Variants in PLPBP observed in about 807,000 individuals in gnomAD.
PLPBP encodes pyridoxal phosphate binding protein.
A neutral mutation model predicts 31.2 loss-of-function variants in PLPBP; 21 were observed. The observed-to-expected ratio is 0.67, with a 90% CI of 0.48 to 0.97. The LOEUF (loss-of-function observed/expected upper bound fraction) is 0.97. PLPBP is among the 50% of genes least tolerant of loss of function. The pLI, the probability that PLPBP is intolerant of heterozygous loss-of-function variation, is 0.00. For missense variants in PLPBP, 308 were observed against 354.4 expected (o/e 0.87, Z 1.05); for synonymous variants, 124 against 135.6 (o/e 0.91, Z 0.59).
intron 4 of PLPBP, chr8:37,766,715 C>T: frequency 2.4e-6 from 2 of 841,236 alleles, no homozygotes; most frequent in Non-Finnish European, 2.9e-6. Flanking sequence ...AAATACAATA[C>T]AGTAAAGTAA....
rs1294065558 is a variant in PLPBP, at chr8:37,762,672, G to A, written c.13G>A (p.Gly5Ser). The A allele has an allele frequency of 6.3e-7, 1 of 1,585,222 alleles. No homozygotes were observed. The highest frequency in any genetic ancestry group is 8.6e-7 in the Non-Finnish European group (1 of 1,169,372). The change falls in exon 1 of 8, where the codon GGC becomes AGC. Residue 5 changes from glycine to serine, a missense_variant. Gly to Ser is a moderately conservative substitution (Grantham distance 56). Around this residue, in one of 2 missense-constraint regions of PLPBP, gnomAD observed 120 missense variants for 95.1 expected, o/e 1.26. Transcript: ENST00000328195. MWRA[G>S]SMSAELGVGC... ...CGGTCCCCGGGGGATGTGGAGAGCT[G>A]GCAGCATGTCGGCCGAGCTGGGAGT...
At chr8:37,772,209 A>G (rs1585936803) in intron 4 of PLPBP, among the ~76,000 whole-genome samples, 1 of 152,156 alleles carries the variant, frequency 6.6e-6, no homozygotes, top group African/African-American at 2.4e-5. Flanking sequence ...GGGTTTCACC[A>G]TGTTGGCCAG....
intron 4 of PLPBP, among the ~76,000 whole-genome samples, chr8:37,768,535 C>A (rs557175261): frequency 7.7e-6 from 1 of 129,824 alleles, no homozygotes; most frequent in South Asian, 2.4e-4. Context: ...TGCAGTGGTG[C>A]GATCTCAGCT....
chr8:37,776,109 T>C, intron 7 of PLPBP, 93 bp downstream of exon 7: 1 of 1,217,296 alleles, frequency 8.2e-7, no homozygotes, highest in Non-Finnish European at 1.2e-6. Flanking sequence ...TGTAGAAGCC[T>C]TGGAAATGCC....
intron 4 of PLPBP, among the ~76,000 whole-genome samples, chr8:37,769,817 T>C (rs1023649160): frequency 2.0e-5 from 3 of 152,116 alleles, no homozygotes; most frequent in Non-Finnish European, 4.4e-5. Flanking sequence ...AAAATAAATA[T>C]ACAAAAATCA....
chr8:37,768,662 A>G (rs1279031083), intron 4 of PLPBP, among the ~76,000 whole-genome samples: 3 of 151,540 alleles, frequency 2.0e-5, no homozygotes, highest in African/African-American at 7.3e-5. Context: ...TTTAGTAGAG[A>G]TGCGGTTTCA....
At chr8:37,770,251 A>T (rs1803734843) in intron 4 of PLPBP, among the ~76,000 whole-genome samples, 1 of 152,242 alleles carries the variant, frequency 6.6e-6, no homozygotes, top group South Asian at 2.1e-4. Context: ...CTGTAGAGCT[A>T]TAGTAACCAA....
At chr8:37,765,495 T>C (rs1263061535) in intron 1 of PLPBP, 31 bp from the exon 2 acceptor site, 1 of 1,593,004 alleles carries the variant, frequency 6.3e-7, no homozygotes, top group South Asian at 1.1e-5. Context: ...TTCCCAAACA[T>C]TCACTCATAT....
At position 37,762,685 on chromosome 8, in the gene PLPBP, C is replaced by T. The variant is rs2129759606; in HGVS notation, c.26C>T (p.Ala9Val). The part of the protein sequence containing the change: MWRAGSMS[A>V]ELGVGCALRA... Reference sequence around the variant, plus strand: ...ATGTGGAGAGCTGGCAGCATGTCGGCCGAGCTGGGAGTCGGGTGCGCATTG... The same window carrying T: ...ATGTGGAGAGCTGGCAGCATGTCGGTCGAGCTGGGAGTCGGGTGCGCATTG... Residue 9 changes from alanine to valine, a missense_variant, in exon 1 of 8, where the codon GCC becomes GTC. Ala to Val is a moderately conservative substitution (Grantham distance 64). This residue lies in a region of PLPBP where 120 missense variants were observed against 95.1 expected (regional missense o/e 1.26). Coordinates refer to ENST00000328195, the MANE Select transcript of PLPBP (RefSeq NM_007198.4). 5 of 1,589,252 alleles carry T rather than the reference C, an allele frequency of 3.1e-6. No individual in the cohort carries two copies. In the East Asian group the frequency reaches 9.1e-5, roughly 29 times the overall value.
chr8:37,771,196 G>A (rs1803760176), intron 4 of PLPBP, among the ~76,000 whole-genome samples: 2 of 152,056 alleles, frequency 1.3e-5, no homozygotes, highest in Non-Finnish European at 2.9e-5. Context: ...GAGTGCAGTG[G>A]CGTGATCCCG....
At chr8:37,776,684 T>A (rs1005605263) in intron 7 of PLPBP, among the ~76,000 whole-genome samples, 20 of 152,080 alleles carry the variant, frequency 1.3e-4, no homozygotes, top group Admixed American at 6.5e-5. Flanking sequence ...AAGCTATAAT[T>A]TTTGGAAAGG....
chr8:37,777,646 T>C (rs1803950175), intron 7 of PLPBP, among the ~76,000 whole-genome samples: 1 of 152,200 alleles, frequency 6.6e-6, no homozygotes, highest in Non-Finnish European at 1.5e-5. Flanking sequence ...CAACCTCTGC[T>C]CACCGCAACC....
At chr8:37,772,626 G>A in intron 4 of PLPBP, 129 bp from the exon 5 acceptor site, 2 of 1,092,212 alleles carry the variant, frequency 1.8e-6, no homozygotes, top group Middle Eastern at 2.1e-4. Flanking sequence ...CTTCTCAGAG[G>A]AACTGAGATT....
intron 4 of PLPBP, among the ~76,000 whole-genome samples, chr8:37,770,086 T>C (rs1419020683): frequency 6.6e-6 from 1 of 152,208 alleles, no homozygotes; most frequent in Non-Finnish European, 1.5e-5. Context: ...ACAGATCCAG[T>C]GCAGTCCCTA....
chr8:37,776,826 G>A (rs1803926164), intron 7 of PLPBP, among the ~76,000 whole-genome samples: 3 of 152,100 alleles, frequency 2.0e-5, no homozygotes, highest in South Asian at 4.2e-4. Flanking sequence ...GAGTGCAGTG[G>A]CGCGATCTCA....
In PLPBP at chr8:37,767,799, CTTTTTTTTTTTTTTT is replaced by C. The variant is rs1175107737; in HGVS notation, c.319+1454_319+1468del. ...ATTTACTGTCTTGATCTTTTATTTA[CTTTTTTTTTTTTTTT>C]TTTTTTTTTGAGATGGAGTCTCGCT... On this transcript the variant is annotated intron_variant, in intron 4 of 7. Transcript: ENST00000328195. Among the ~76,000 whole-genome samples the C allele has an allele frequency of 5.1e-5, 5 of 98,930 alleles. No individual in the cohort carries two copies. The East Asian group carries it at 1.4e-3, about 28-fold the overall frequency. 64.9% of individuals were successfully genotyped at this position (98,930 alleles called of 152,430 possible).
At chr8:37,768,064 G>A (rs1047212049) in intron 4 of PLPBP, among the ~76,000 whole-genome samples, 20 of 151,900 alleles carry the variant, frequency 1.3e-4, no homozygotes, top group South Asian at 2.1e-4. Context: ...CTCAGCCTCC[G>A]AAAGTGCTAG....
rs560501599 is a variant in PLPBP at position 37,772,738 on chromosome 8, C to T, written c.320-17C>T. 31 of 1,614,010 alleles carry T rather than the reference C, an allele frequency of 1.9e-5. No homozygotes were observed. The South Asian group carries it at 2.7e-4, about 14-fold the overall frequency. On this transcript the variant is annotated splice_polypyrimidine_tract_variant and intron_variant, in intron 4 of 7. Coordinates refer to ENST00000328195, the MANE Select transcript of PLPBP (RefSeq NM_007198.4). ...AGAGCAAATAAGGAATACTACTTTG[C>T]CTCTGTCTCATTACAGCTGTCCCCA...
intron 1 of PLPBP, 124 bp downstream of exon 1, chr8:37,762,882 T>C: frequency 8.1e-7 from 1 of 1,240,824 alleles, no homozygotes; most frequent in Non-Finnish European, 1.1e-6. Context: ...GTCGGCCGCC[T>C]AGGGCCACCG....
Sources: allele counts gnomAD v4.1 joint callset (sites outside exome capture counted in the v4.1 genomes callset), GRCh38; gene constraint gnomAD v4.1.1; regional missense constraint gnomAD v4.1.1; transcripts MANE v1.5; gene names NCBI Gene and HGNC (gene_info 2026-07-23, HGNC 2026-07-21).